The following ZMAT4 variants were observed in gnomAD, a reference collection of about 807,000 sequenced individuals.
The protein encoded by ZMAT4 is zinc finger matrin-type protein 4.
Under a neutral mutation model 28.7 loss-of-function variants are expected in ZMAT4, and 17 were observed. The observed-to-expected ratio is 0.59, with a 90% CI of 0.41 to 0.89. The LOEUF is 0.89. ZMAT4 is among the 40% of genes least tolerant of loss of function. The probability of loss-of-function intolerance (pLI) is 0.00; values close to 1 mark genes in which losing one functional copy is unlikely to be tolerated. For synonymous variants in ZMAT4, 117 were observed against 109.2 expected, an observed-to-expected ratio of 1.07 and a Z score of -0.44; for missense variants, 240 against 283.8, an observed-to-expected ratio of 0.85 and a Z score of 1.11.
chr8:40,589,935 CCCTT>C (rs1426361686), intron 5 of ZMAT4, among the ~76,000 whole-genome samples: 25 of 112,940 alleles, frequency 2.2e-4, no homozygotes, highest in South Asian at 4.1e-4. Context: ...CTCCCTCACT[CCCTT>C]CCTTCCTTCC....
At chr8:40,616,466 G>A (rs929461278) in intron 5 of ZMAT4, among the ~76,000 whole-genome samples, 2 of 152,164 alleles carry the variant, frequency 1.3e-5, no homozygotes, top group Non-Finnish European at 2.9e-5. Context: ...ATTTACAATA[G>A]CAAAGAATTG....
At position 40,749,952 on chromosome 8, in the gene ZMAT4, C is replaced by T. The variant is rs551020609; in HGVS notation, c.192+17689G>A. ...AATATATGCAGATTTCCCAATGCAGCCTGTGACACAGGGCAGGTGCACAGT... is the reference window on the plus strand; with the variant it reads ...AATATATGCAGATTTCCCAATGCAGTCTGTGACACAGGGCAGGTGCACAGT... On this transcript the variant is annotated intron_variant, in intron 3 of 6. Transcript: ENST00000297737. Among the ~76,000 whole-genome samples, 139 of 152,276 alleles carry T rather than the reference C, an allele frequency of 9.1e-4. 1 individual carries two copies. The highest frequency in any genetic ancestry group is 3.2e-3 in the African/African-American group (133 of 41,556).
chr8:40,780,374 C>A (rs1034123218), intron 2 of ZMAT4, among the ~76,000 whole-genome samples: 3 of 152,200 alleles, frequency 2.0e-5, no homozygotes, highest in Non-Finnish European at 4.4e-5. Flanking sequence ...ATGGCTTCTA[C>A]AGAAGGTGTA....
At chr8:40,543,581 C>T (rs1276308851) in intron 6 of ZMAT4, among the ~76,000 whole-genome samples, 4 of 152,140 alleles carry the variant, frequency 2.6e-5, no homozygotes, top group Non-Finnish European at 5.9e-5. Context: ...TCAGCACCGT[C>T]TAAATCATGG....
At chr8:40,737,681 C>G (rs886544512) in intron 3 of ZMAT4, among the ~76,000 whole-genome samples, 1 of 152,016 alleles carries the variant, frequency 6.6e-6, no homozygotes, top group Non-Finnish European at 1.5e-5. Context: ...CGTAAACTTG[C>G]TCAAGGAGAG....
intron 3 of ZMAT4, among the ~76,000 whole-genome samples, chr8:40,759,276 C>T (rs369552841): frequency 0.036 from 1,662 of 46,070 alleles, 33 homozygotes; most frequent in African/African-American, 0.1. Context: ...AGAGAGACTC[C>T]ATCTCAAAAA....
intron 2 of ZMAT4, among the ~76,000 whole-genome samples, chr8:40,810,937 A>G (rs184727990): frequency 6.6e-6 from 1 of 152,318 alleles, no homozygotes; most frequent in Admixed American, 6.5e-5. Flanking sequence ...AAGCTTTATA[A>G]TAATTAAGAA....
At chr8:40,702,236 A>G (rs1810179684) in intron 3 of ZMAT4, among the ~76,000 whole-genome samples, 1 of 152,174 alleles carries the variant, frequency 6.6e-6, no homozygotes. Context: ...CAGTAGCACA[A>G]AAAGAATTAG....
intron 2 of ZMAT4, among the ~76,000 whole-genome samples, chr8:40,817,930 C>T (rs1586105794): frequency 6.6e-6 from 1 of 152,186 alleles, no homozygotes; most frequent in African/African-American, 2.4e-5. Flanking sequence ...ACTTCTCCTG[C>T]AGGTAGGTGG....
rs185739903 is a variant in ZMAT4 at position 40,642,178 on chromosome 8, C to T, written c.577+32526G>A. On this transcript the variant is annotated intron_variant, in intron 5 of 6. Transcript: ENST00000297737. ...CCCAAATACCTGCATACTTATTGTA[C>T]GCAGGTTAAAAGAGTTGTTATCTGA... is the stretch of plus-strand genomic sequence containing the variant. 1.1e-3 allele frequency among the ~76,000 whole-genome samples: 165 copies of T among 152,136 alleles called. 1 individual carries two copies. The highest frequency in any genetic ancestry group is 3.1e-3 in the African/African-American group (128 of 41,504).
intron 2 of ZMAT4, among the ~76,000 whole-genome samples, chr8:40,775,310 A>G (rs1204577853): frequency 3.9e-5 from 6 of 152,212 alleles, no homozygotes; most frequent in Admixed American, 2.6e-4. Flanking sequence ...ATCTACTTCC[A>G]TCTCTAAACT....
In ZMAT4 at chr8:40,712,321, C is replaced by T. The variant is rs554519643; in HGVS notation, c.193-14920G>A. ...AGCTACTGTTTTTATTAAAAACCAACCAACCCAGAGTTGTGTCCCATAAAA... is the reference window on the plus strand; with the variant it reads ...AGCTACTGTTTTTATTAAAAACCAATCAACCCAGAGTTGTGTCCCATAAAA... On this transcript the variant is annotated intron_variant, in intron 3 of 6. Coordinates refer to ENST00000297737, the MANE Select transcript of ZMAT4 (RefSeq NM_024645.3). Among the ~76,000 whole-genome samples, 4 of 152,246 alleles carry T rather than the reference C, an allele frequency of 2.6e-5. No homozygotes were observed. The South Asian group carries it at 8.3e-4, about 32-fold the overall frequency.
At chr8:40,867,463 G>A (rs1247512616) in intron 1 of ZMAT4, among the ~76,000 whole-genome samples, 1 of 152,104 alleles carries the variant, frequency 6.6e-6, no homozygotes, top group African/African-American at 2.4e-5. Context: ...TTTTCTCAGA[G>A]TAAAAGCCAA....
At chr8:40,799,828 T>C (rs995343225) in intron 2 of ZMAT4, among the ~76,000 whole-genome samples, 15 of 152,346 alleles carry the variant, frequency 9.8e-5, no homozygotes, top group Admixed American at 3.3e-4. Flanking sequence ...TATTATGAGA[T>C]ACACCAACCA....
rs1818927831 is a variant in ZMAT4 at position 40,897,720 on chromosome 8, G to T, written c.-42C>A. ...GCAGAGGGGCCGCCGGTGCCCAGAGGCCAGCTGCCCTGCCGAGCAGTAGAG... is the reference window on the plus strand; with the variant it reads ...GCAGAGGGGCCGCCGGTGCCCAGAGTCCAGCTGCCCTGCCGAGCAGTAGAG... On this transcript the variant is annotated 5_prime_UTR_variant, in exon 1 of 7. Coordinates refer to ENST00000297737, the MANE Select transcript of ZMAT4 (RefSeq NM_024645.3). The T allele has an allele frequency of 6.6e-6, 1 of 152,262 alleles. No individual in the cohort carries two copies. Among genetic ancestry groups the T allele is most frequent in the South Asian group, 2.1e-4 (1 of 4,826 alleles). The allele number at this position is 152,262 out of a possible 1,614,324, so 9.4% of individuals were successfully genotyped here. A position where few individuals can be genotyped will look rare whatever the true frequency, so the allele number is the denominator to read the frequency against.
chr8:40,605,455 G>T (rs1037309022), intron 5 of ZMAT4, among the ~76,000 whole-genome samples: 11 of 152,266 alleles, frequency 7.2e-5, no homozygotes, highest in African/African-American at 2.6e-4. Context: ...TCATTCAGGA[G>T]CAGGCTATTT....
chr8:40,575,764 G>C (rs1181099529), intron 6 of ZMAT4, among the ~76,000 whole-genome samples: 1 of 151,474 alleles, frequency 6.6e-6, no homozygotes, highest in Non-Finnish European at 1.5e-5. Context: ...AAAAGTGAAG[G>C]AAACATGACA....
intron 3 of ZMAT4, among the ~76,000 whole-genome samples, chr8:40,747,167 T>G (rs1361764061): frequency 1.3e-5 from 2 of 152,230 alleles, no homozygotes; most frequent in East Asian, 3.8e-4. Context: ...ATAAAAGAAT[T>G]ACTTGAAATT....
intron 1 of ZMAT4, among the ~76,000 whole-genome samples, chr8:40,858,668 C>T (rs1817384112): frequency 6.6e-6 from 1 of 152,080 alleles, no homozygotes; most frequent in African/African-American, 2.4e-5. Context: ...AAAAAGGTTC[C>T]CATACCCCTC....
Sources: allele counts gnomAD v4.1 joint callset (sites outside exome capture counted in the v4.1 genomes callset), GRCh38; gene constraint gnomAD v4.1.1; transcripts MANE v1.5; gene names NCBI Gene and HGNC (gene_info 2026-07-23, HGNC 2026-07-21).